MADD: variants seen among roughly 807,000 people sequenced by gnomAD.
The protein encoded by MADD is MAP kinase-activating death domain protein.
A neutral mutation model predicts 176.7 loss-of-function variants in MADD; 109 were observed. The observed-to-expected ratio is 0.62, with a 90% CI of 0.53 to 0.72. The LOEUF (loss-of-function observed/expected upper bound fraction) is 0.72, where lower values mean the gene tolerates loss of function less well. Among genes scored for constraint, MADD ranks in the 30% least tolerant of loss-of-function variants. MADD has a pLI of 0.00. For missense variants in MADD, 1,914 were observed against 2,045.5 expected, an observed-to-expected ratio of 0.94 and a Z score of 1.24; for synonymous variants, 771 against 771.3, an observed-to-expected ratio of 1.00 and a Z score of 0.01.
At chr11:47,326,651 G>A in intron 30 of MADD, 87 bp from the exon 35 acceptor site, 1 of 1,554,442 alleles carries the variant, frequency 6.4e-7, no homozygotes, top group Non-Finnish European at 8.7e-7. Context: ...TTCTTTGTGT[G>A]GGTGGGGCTG....
intron 22 of MADD, among the ~76,000 whole-genome samples, chr11:47,306,858 GT>G (rs539438794): frequency 2.1e-4 from 31 of 151,044 alleles, no homozygotes; most frequent in African/African-American, 4.1e-4. Context: ...CCCCTAGGCT[GT>G]TTTTTTTTGT....
chr11:47,299,585 CT>C (rs1185948034), intron 22 of MADD, among the ~76,000 whole-genome samples: 308 of 41,494 alleles, frequency 7.4e-3, no homozygotes, highest in Admixed American at 0.015. Flanking sequence ...GATTTTAGGG[CT>C]TTTTTTTTTT....
intron 31 of MADD, chr11:47,327,061 T>C (rs1450802537): frequency 1.2e-5 from 15 of 1,228,260 alleles, no homozygotes; most frequent in Non-Finnish European, 1.2e-5. Context: ...CTGAAGCAGC[T>C]CAGTGAAGTA....
At chr11:47,293,707 C>T (rs1440273589) in intron 19 of MADD, among the ~76,000 whole-genome samples, 176 bp from the exon 22 acceptor site, 2 of 152,156 alleles carry the variant, frequency 1.3e-5, no homozygotes, top group Non-Finnish European at 2.9e-5. Context: ...CTACTTGGTT[C>T]TTAAGGCATC....
At chr11:47,317,386 A>G (rs749166194) in intron 27 of MADD, among the ~76,000 whole-genome samples, 18 of 152,224 alleles carry the variant, frequency 1.2e-4, no homozygotes, top group Admixed American at 7.8e-4. Flanking sequence ...TTTGGTTGAT[A>G]TAATTCTTAA....
intron 30 of MADD, 94 bp from the exon 34 acceptor site, chr11:47,326,450 C>A (rs1295581814): frequency 7.6e-6 from 8 of 1,057,938 alleles, no homozygotes; most frequent in Non-Finnish European, 9.7e-6. Flanking sequence ...AGGGTACGGG[C>A]GGGCAGCCCA....
At chr11:47,292,802 C>G (rs994372106) in intron 19 of MADD, among the ~76,000 whole-genome samples, 2 of 152,028 alleles carry the variant, frequency 1.3e-5, no homozygotes, top group African/African-American at 4.8e-5. Flanking sequence ...AGGCTATAAC[C>G]AGGTGTCTAC....
At chr11:47,329,002 G>T (rs10838693) in intron 32 of MADD, 44 bp from the exon 37 acceptor site, 1 of 1,441,538 alleles carries the variant, frequency 6.9e-7, no homozygotes, top group Non-Finnish European at 9.8e-7. Context: ...TATGGAGATG[G>T]AGGAGTCTCA....
At chr11:47,294,014 T>C in intron 20 of MADD, 31 bp downstream of exon 22, 1 of 1,501,390 alleles carries the variant, frequency 6.7e-7, no homozygotes, top group Non-Finnish European at 9.3e-7. Flanking sequence ...AATTTGCAAG[T>C]ATTAAATATG....
chr11:47,314,868 A>T (rs1385493074), intron 26 of MADD, among the ~76,000 whole-genome samples: 1 of 152,044 alleles, frequency 6.6e-6, no homozygotes, highest in Non-Finnish European at 1.5e-5. Context: ...TTTTTTTGAA[A>T]ATATAGTTAT....
intron 22 of MADD, among the ~76,000 whole-genome samples, chr11:47,307,471 T>C (rs555284247): frequency 2.6e-5 from 4 of 152,282 alleles, no homozygotes; most frequent in African/African-American, 9.6e-5. Flanking sequence ...AAATAAATTA[T>C]ATAAAGTCAC....
chr11:47,305,445 G>A (rs1054386943), intron 22 of MADD, among the ~76,000 whole-genome samples: 6 of 152,128 alleles, frequency 3.9e-5, no homozygotes, highest in African/African-American at 1.2e-4. Context: ...ATAGGCCATA[G>A]CACTGGCCTT....
chr11:47,283,625 G>T (rs10838685), intron 10 of MADD, among the ~76,000 whole-genome samples: 1 of 151,944 alleles, frequency 6.6e-6, no homozygotes, highest in Non-Finnish European at 1.5e-5. Flanking sequence ...AGGCTAGAGC[G>T]CAGTGGCGTG....
rs562121228 is a variant in MADD, at chr11:47,281,577, C to G, written c.1293C>G (p.Ala431=). The G allele has an allele frequency of 7.5e-6, 12 of 1,604,914 alleles. No individual in the cohort carries two copies. In the Admixed American group the frequency reaches 1.8e-4, roughly 25 times the overall value. The stretch of plus-strand genomic sequence containing the variant: ...GGAATTTTCTTGTTGTTCCACAGGC[C>G]TTGGCCAGCATGAGTCTCAACACCC... The change falls in exon 8 of 33, where the codon GCC becomes GCG. Residue 431 remains alanine (A), a splice_region_variant and synonymous_variant. Coordinates refer to ENST00000402192, the Ensembl canonical transcript of MADD.
At chr11:47,296,818 G>A (rs917826510) in intron 22 of MADD, among the ~76,000 whole-genome samples, 3 of 147,878 alleles carry the variant, frequency 2.0e-5, no homozygotes, top group Non-Finnish European at 3.0e-5. Context: ...CCAGGCTGGA[G>A]TGTAGTGGCA....
At chr11:47,302,176 T>C (rs118134583) in intron 22 of MADD, among the ~76,000 whole-genome samples, 2,579 of 152,306 alleles carry the variant, frequency 0.017, 25 homozygotes, top group Middle Eastern at 0.037. Context: ...TATATCCTCT[T>C]ATTGTTATTA....
chr11:47,282,002 T>G (rs918358447), intron 8 of MADD, among the ~76,000 whole-genome samples: 5 of 151,956 alleles, frequency 3.3e-5, no homozygotes, highest in African/African-American at 1.2e-4. Flanking sequence ...GCCTGGCTAA[T>G]TTTTACATTT....
chr11:47,315,046 T>G (rs553933599), intron 26 of MADD, among the ~76,000 whole-genome samples, 174 bp from the exon 30 acceptor site: 2 of 152,300 alleles, frequency 1.3e-5, no homozygotes, highest in South Asian at 2.1e-4. Flanking sequence ...TTTTAAGAGA[T>G]ATAGGGCCTC....
chr11:47,319,346 T>C (rs2093933059), intron 27 of MADD, among the ~76,000 whole-genome samples: 1 of 152,024 alleles, frequency 6.6e-6, no homozygotes, highest in Admixed American at 6.6e-5. Context: ...TTGGCCAGGA[T>C]GGTCTTGAAC....
Sources: gnomAD v4.1 joint callset for allele counts (sites outside exome capture counted in the v4.1 genomes callset) on GRCh38, gnomAD v4.1.1 for gene constraint, MANE v1.5 for transcripts, NCBI Gene and HGNC (gene_info 2026-07-23, HGNC 2026-07-21) for gene names.